Variants in PLA2G4B observed in about 807,000 individuals in gnomAD.
PLA2G4B encodes cytosolic phospholipase A2 beta.
PLA2G4B carries 122 observed loss-of-function variants against 95.8 expected under a neutral mutation model. The ratio of observed to expected loss-of-function variants is 1.27; its 90% CI spans 1.10 to 1.48. The LOEUF (loss-of-function observed/expected upper bound fraction) is 1.48, where lower values mean the gene tolerates loss of function less well. Among genes scored for constraint, PLA2G4B ranks in the 40% most tolerant of loss-of-function variants. The pLI, the probability that PLA2G4B is intolerant of heterozygous loss-of-function variation, is 0.00. For synonymous variants in PLA2G4B, 518 were observed against 421.5 expected (o/e 1.23, Z -2.80); for missense variants, 1,158 against 996.2 (o/e 1.16, Z -2.19).
chr15:41,846,787 C>G lies in PLA2G4B; in HGVS notation c.1899C>G (p.Asp633Glu), dbSNP rs773280489. ...SCLPLLQPTR[D>E]VDLILSLDYN... Reference sequence around the variant, plus strand: ...TGCCCCTCCTGCAGCCCACTCGGGACGTGGACCTCATCCTGTCATTGGACT... The same window carrying G: ...TGCCCCTCCTGCAGCCCACTCGGGAGGTGGACCTCATCCTGTCATTGGACT... The change falls in exon 18 of 20, where the codon GAC becomes GAG. Residue 633 changes from aspartate (D) to glutamate (E), a missense_variant. Physicochemically the swap from Asp to Glu is conservative, Grantham distance 45. Coordinates refer to ENST00000458483, the MANE Select transcript of PLA2G4B (RefSeq NM_001114633.2). 8 of 1,613,872 alleles carry G rather than the reference C, an allele frequency of 5.0e-6. No homozygotes were observed. The Admixed American group carries it at 1.2e-4, about 24-fold the overall frequency.
Position 41,847,531 on chromosome 15 carries a change from G to C in PLA2G4B, c.2134+8G>C. ...GGGAGTACTCGGCCCCTGGTGAGCT[G>C]CTGTTCACCTCCCCATCCTGCTGCC... On this transcript the variant is annotated splice_region_variant and intron_variant, in intron 19 of 19. Transcript: ENST00000458483. 6.2e-7 allele frequency: 1 copy of C among 1,602,358 alleles called. No individual in the cohort carries two copies. Among genetic ancestry groups the C allele is most frequent in the Non-Finnish European group, 8.5e-7 (1 of 1,171,718 alleles).
In PLA2G4B at chr15:41,847,396, G is replaced by T. The variant is rs754609536; in HGVS notation, c.2007G>T (p.Ser669=). Residue 669 remains serine, a synonymous_variant, in exon 19 of 20, where the codon TCG becomes TCT. Coordinates refer to ENST00000458483, the MANE Select transcript of PLA2G4B (RefSeq NM_001114633.2). ...AGGGGATCCCGTTCCCACCCATCTC[G>T]CCCAGCCCCGAAGAGCAGCTCCAGC... ...QEQGIPFPPI[S]PSPEEQLQPR... The T allele has an allele frequency of 1.2e-6, 2 of 1,612,434 alleles. No individual in the cohort carries two copies. Among genetic ancestry groups the T allele is most frequent in the East Asian group, 2.2e-5 (1 of 44,870 alleles).
intron 7 of PLA2G4B, 36 bp from the exon 8 acceptor site, chr15:41,841,783 C>T (rs754454742): frequency 9.3e-6 from 15 of 1,604,724 alleles, no homozygotes; most frequent in African/African-American, 6.7e-5. Flanking sequence ...GCAGAGATAC[C>T]GTCCCCAGCC....
chr15:41,840,034 G>A, intron 1 of PLA2G4B, 124 bp from the exon 2 acceptor site: 1 of 1,045,982 alleles, frequency 9.6e-7, no homozygotes, highest in East Asian at 2.6e-5. Flanking sequence ...GGATTCTGAT[G>A]AGATGGAGGA....
At chr15:41,839,944 G>T (rs2065393531) in intron 1 of PLA2G4B, 2 of 586,492 alleles carry the variant, frequency 3.4e-6, no homozygotes, top group South Asian at 4.8e-5. Context: ...CAAAGCCCTT[G>T]GCCCAGAGCC....
Position 41,845,732 on chromosome 15 carries a change from G to A in PLA2G4B, c.1452G>A (p.Gln484=), listed in dbSNP as rs775986491. The change falls in exon 15 of 20, where the codon CAG becomes CAA. Residue 484 remains glutamine, a synonymous_variant. Coordinates refer to ENST00000458483, the MANE Select transcript of PLA2G4B (RefSeq NM_001114633.2). Reference sequence around the variant, plus strand: ...TTGGCTCCGAGTTCTTTATGGGGCAGCTGATGAAGAGGCTTCCTGAGTCCC... The same window carrying A: ...TTGGCTCCGAGTTCTTTATGGGGCAACTGATGAAGAGGCTTCCTGAGTCCC... The part of the protein sequence containing the change: ...ELFGSEFFMG[Q]LMKRLPESRI... 1.9e-6 allele frequency: 3 copies of A among 1,611,968 alleles called. No individual in the cohort carries two copies. Among genetic ancestry groups the A allele is most frequent in the Non-Finnish European group, 2.5e-6 (3 of 1,179,080 alleles).
intron 10 of PLA2G4B, 96 bp from the exon 11 acceptor site, chr15:41,843,580 G>A: frequency 1.3e-6 from 2 of 1,529,778 alleles, no homozygotes; most frequent in South Asian, 1.3e-5. Context: ...GGGGAGAAGA[G>A]GGAGGGCAGT....
intron 11 of PLA2G4B, 75 bp downstream of exon 11, chr15:41,843,886 C>T: frequency 1.3e-6 from 2 of 1,563,150 alleles, no homozygotes; most frequent in Non-Finnish European, 1.7e-6. Context: ...ACTGGAGCTG[C>T]TTGTCCCCGA....
At chr15:41,841,367 G>A in intron 6 of PLA2G4B, 94 bp downstream of exon 6, 1 of 1,609,344 alleles carries the variant, frequency 6.2e-7, no homozygotes, top group Non-Finnish European at 8.5e-7. Flanking sequence ...GCCTCAGCCT[G>A]GGGACCCTGG....
Position 41,841,668 on chromosome 15 carries a change from T to G in PLA2G4B, c.490+97T>G, listed in dbSNP as rs2065434132. On this transcript the variant is annotated intron_variant, in intron 7 of 19. Transcript: ENST00000458483. Reference sequence around the variant, plus strand: ...TCTCCTTGGGGCCTGAGCTTTCCCCTTAGGCCTTCTCGGGGGACTGTGGTG... The same window carrying G: ...TCTCCTTGGGGCCTGAGCTTTCCCCGTAGGCCTTCTCGGGGGACTGTGGTG... 134 of 1,583,126 alleles carry G rather than the reference T, an allele frequency of 8.5e-5. 1 individual carries two copies. In the South Asian group the frequency reaches 1.5e-3, roughly 18 times the overall value.
rs892830784 is a variant in PLA2G4B, at chr15:41,840,756, C to T, written c.220-18C>T. On this transcript the variant is annotated intron_variant, in intron 3 of 19. Coordinates refer to ENST00000458483, the MANE Select transcript of PLA2G4B (RefSeq NM_001114633.2). ...TGTCCCCTCCCTCCTGCAGCCCTGT[C>T]ACTCTTTTCCCCTCCAGAATGTCAT... is the stretch of plus-strand genomic sequence containing the variant. 2 of 1,612,240 alleles carry T rather than the reference C, an allele frequency of 1.2e-6. No homozygotes were observed. The highest frequency in any genetic ancestry group is 1.7e-6 in the Non-Finnish European group (2 of 1,178,684).
At chr15:41,839,947 C>G in intron 1 of PLA2G4B, 1 of 597,072 alleles carries the variant, frequency 1.7e-6, no homozygotes, top group Non-Finnish European at 2.9e-6. Flanking sequence ...AGCCCTTGGC[C>G]CAGAGCCGGC....
chr15:41,841,055 G>C lies in PLA2G4B; in HGVS notation c.352G>C (p.Gly118Arg). 6.3e-7 allele frequency: 1 copy of C among 1,579,144 alleles called. No individual in the cohort carries two copies. Among genetic ancestry groups the C allele is most frequent in the Non-Finnish European group, 8.6e-7 (1 of 1,159,866 alleles). Reference sequence around the variant, plus strand: ...AACTTACTTCTGGCTCTCTTCCCAGGGTGAGGGGCGCCTGGAAGTTGAATT... The same window carrying C: ...AACTTACTTCTGGCTCTCTTCCCAGCGTGAGGGGCGCCTGGAAGTTGAATT... ...RRESFSLSPQ[G>R]EGRLEVEFRL... The change falls in exon 5 of 20, where the codon GGT (glycine) becomes CGT (arginine). Residue 118 changes from glycine (G) to arginine (R), a missense_variant and splice_region_variant. Gly to Arg is a moderately radical substitution (Grantham distance 125, BLOSUM62 -2). Coordinates refer to ENST00000458483, the MANE Select transcript of PLA2G4B (RefSeq NM_001114633.2).
rs762738833 is a variant in PLA2G4B, at chr15:41,847,433, C to T, written c.2044C>T (p.His682Tyr). 1.2e-6 allele frequency: 2 copies of T among 1,613,556 alleles called. No individual in the cohort carries two copies. Among genetic ancestry groups the T allele is most frequent in the South Asian group, 1.1e-5 (1 of 91,074 alleles). Residue 682 changes from histidine to tyrosine, a missense_variant, in exon 19 of 20, where the codon CAC becomes TAC. Physicochemically the swap from His to Tyr is moderately conservative, Grantham distance 83 (BLOSUM62 2). Coordinates refer to ENST00000458483, the MANE Select transcript of PLA2G4B (RefSeq NM_001114633.2). ...AGAGCAGCTCCAGCCTCGGGAGTGCCACACCTTCTCCGACCCCACCTGCCC... is the reference window on the plus strand; with the variant it reads ...AGAGCAGCTCCAGCCTCGGGAGTGCTACACCTTCTCCGACCCCACCTGCCC... The part of the protein sequence containing the change: ...PEEQLQPREC[H>Y]TFSDPTCPGA...
chr15:41,847,257 C>T, intron 18 of PLA2G4B, 80 bp from the exon 19 acceptor site: 4 of 1,508,900 alleles, frequency 2.7e-6, no homozygotes, highest in Non-Finnish European at 3.5e-6. Context: ...AGCCCCAGGT[C>T]CTGTGCATCT....
intron 1 of PLA2G4B, 111 bp from the exon 2 acceptor site, chr15:41,840,047 G>C: frequency 8.4e-7 from 1 of 1,195,690 alleles, no homozygotes. Flanking sequence ...ATGGAGGATG[G>C]GCCTGGGGTT....
In PLA2G4B at chr15:41,848,072, G is replaced by C; in HGVS notation, c.*212G>C. 1 of 640,558 alleles carries C rather than the reference G, an allele frequency of 1.6e-6. No individual in the cohort carries two copies. 39.7% of individuals were successfully genotyped at this position (640,558 alleles called of 1,614,324 possible). On this transcript the variant is annotated 3_prime_UTR_variant, in exon 20 of 20. Coordinates refer to ENST00000458483, the MANE Select transcript of PLA2G4B (RefSeq NM_001114633.2). ...TTGTGTAATCACCCAAAACCCCCCG[G>C]CCTGTGCCTGTTTTCCCTTCTGCGC...
chr15:41,846,083 G>A (rs765088187), intron 16 of PLA2G4B, 36 bp downstream of exon 16: 6 of 1,570,876 alleles, frequency 3.8e-6, no homozygotes, highest in Non-Finnish European at 8.7e-7. Flanking sequence ...GGTGCCAAGG[G>A]GCAGCCAGCT....
At chr15:41,843,910 T>A in intron 11 of PLA2G4B, 99 bp downstream of exon 11, 1 of 1,499,126 alleles carries the variant, frequency 6.7e-7, no homozygotes, top group Non-Finnish European at 8.9e-7. Context: ...AGACCAGAGC[T>A]CGTAGCTGCC....
Sources: allele counts gnomAD v4.1 joint callset, GRCh38; gene constraint gnomAD v4.1.1; transcripts MANE v1.5; gene names NCBI Gene and HGNC (gene_info 2026-07-23, HGNC 2026-07-21).